The following TXNRD1 variants were observed in gnomAD, a reference collection of about 807,000 sequenced individuals.
TXNRD1 encodes the protein thioredoxin reductase 1, cytoplasmic.
TXNRD1 carries 57 observed loss-of-function variants against 80.3 expected under a neutral mutation model. The observed-to-expected ratio is 0.71, with a 90% CI of 0.57 to 0.89. The LOEUF is 0.89. Among genes scored for constraint, TXNRD1 ranks in the 40% least tolerant of loss-of-function variants. The pLI is 0.00. For missense variants in TXNRD1, 730 were observed against 803.0 expected (o/e 0.91, Z 1.10); for synonymous variants, 291 against 285.2 (o/e 1.02, Z -0.20).
intron 13 of TXNRD1, among the ~76,000 whole-genome samples, chr12:104,328,742 G>A (rs555488099): frequency 7.9e-6 from 1 of 126,842 alleles, no homozygotes; most frequent in Non-Finnish European, 1.6e-5. Context: ...CTGGGTGACA[G>A]AGTGAGACTC....
At chr12:104,269,631 G>A (rs1297042672) in intron 3 of TXNRD1, among the ~76,000 whole-genome samples, 6 of 151,626 alleles carry the variant, frequency 4.0e-5, no homozygotes, top group African/African-American at 1.2e-4. Flanking sequence ...GCAGTGGCGC[G>A]ATCTCGGCTC....
At chr12:104,296,598 AG>A (rs1357754682) in intron 4 of TXNRD1, among the ~76,000 whole-genome samples, 3 of 152,182 alleles carry the variant, frequency 2.0e-5, no homozygotes, top group African/African-American at 7.2e-5. Flanking sequence ...TTGTAAGATA[AG>A]GTCTTTACAA....
rs577136747 is a variant in TXNRD1, at chr12:104,349,032, A to C, written c.*611A>C. 1 of 152,364 alleles carries C rather than the reference A, an allele frequency of 6.6e-6. No individual in the cohort carries two copies. The highest frequency in any genetic ancestry group is 2.1e-4 in the South Asian group (1 of 4,838). The allele number at this position is 152,364 out of a possible 1,614,324, so 9.4% of individuals were successfully genotyped here. On this transcript the variant is annotated 3_prime_UTR_variant, in exon 17 of 17. Transcript: ENST00000525566. ...TTCTTCTCTCATATATTCCCAAAAC[A>C]AGTACATCTGCGATCAACTCTAGCC...
rs1565847606 is a variant in TXNRD1, at chr12:104,215,859, G to GA, written c.60dup (p.Gly21ArgfsTer9). On this transcript the variant is annotated frameshift_variant, in exon 1 of 17. Transcript: ENST00000525566. LOFTEE classifies it high-confidence loss of function. Reference sequence around the variant, plus strand: ...CGGCCGCCCCAACGGAGCTGCAGACGAAAGGCAAGAACGGCGATGGCCGCC... The same window carrying GA: ...CGGCCGCCCCAACGGAGCTGCAGACGAAAAGGCAAGAACGGCGATGGCCGCC... The GA allele has an allele frequency of 1.9e-6, 3 of 1,559,790 alleles. No homozygotes were observed. The highest frequency in any genetic ancestry group is 3.9e-5 in the Admixed American group (2 of 51,712).
chr12:104,226,710 C>T (rs2032481703), intron 1 of TXNRD1, among the ~76,000 whole-genome samples: 1 of 152,172 alleles, frequency 6.6e-6, no homozygotes, highest in Non-Finnish European at 1.5e-5. Context: ...AATATTAAGT[C>T]CTCTCAAGCT....
At chr12:104,306,111 C>T (rs1408002294) in intron 4 of TXNRD1, among the ~76,000 whole-genome samples, 1 of 152,102 alleles carries the variant, frequency 6.6e-6, no homozygotes, top group Non-Finnish European at 1.5e-5. Context: ...GCCATGGTAG[C>T]CAGGCTGGTC....
chr12:104,250,743 A>G (rs1241392301), intron 1 of TXNRD1, among the ~76,000 whole-genome samples: 3 of 152,266 alleles, frequency 2.0e-5, no homozygotes, highest in African/African-American at 7.2e-5. Context: ...TACTTGGATC[A>G]GCAGAAATGA....
chr12:104,217,694 A>G (rs2135670542), intron 1 of TXNRD1, among the ~76,000 whole-genome samples: 1 of 152,246 alleles, frequency 6.6e-6, no homozygotes, highest in South Asian at 2.1e-4. Flanking sequence ...GAACTTTTTC[A>G]TCTTGCAAAT....
At chr12:104,238,731 G>A (rs1383324453) in intron 1 of TXNRD1, among the ~76,000 whole-genome samples, 2 of 152,148 alleles carry the variant, frequency 1.3e-5, no homozygotes, top group African/African-American at 4.8e-5. Flanking sequence ...TTTATCCTGG[G>A]ATAAATTTCA....
intron 10 of TXNRD1, among the ~76,000 whole-genome samples, chr12:104,321,828 T>G (rs1344542564): frequency 6.6e-6 from 1 of 152,202 alleles, no homozygotes; most frequent in Non-Finnish European, 1.5e-5. Flanking sequence ...TGAAAGGAGC[T>G]AATACTATGC....
At chr12:104,308,672 A>T (rs2035020188) in intron 4 of TXNRD1, among the ~76,000 whole-genome samples, 1 of 152,122 alleles carries the variant, frequency 6.6e-6, no homozygotes, top group Non-Finnish European at 1.5e-5. Context: ...GAACCTCTGT[A>T]GCAGCCACCA....
intron 4 of TXNRD1, among the ~76,000 whole-genome samples, chr12:104,299,684 T>C (rs1266965362): frequency 1.3e-5 from 2 of 151,530 alleles, no homozygotes; most frequent in Non-Finnish European, 2.9e-5. Flanking sequence ...GGAGAATCAC[T>C]TGAGTCCGGG....
chr12:104,246,211 A>C (rs2032989960), intron 1 of TXNRD1, among the ~76,000 whole-genome samples: 1 of 148,498 alleles, frequency 6.7e-6, no homozygotes, highest in African/African-American at 2.5e-5. Context: ...GTGGATCATG[A>C]GGTCAGGAGA....
At chr12:104,267,874 A>T (rs1593729960) in intron 3 of TXNRD1, among the ~76,000 whole-genome samples, 1 of 116,292 alleles carries the variant, frequency 8.6e-6, no homozygotes, top group Non-Finnish European at 1.7e-5. Context: ...TTTGAGACTG[A>T]GTTTTGCTCT....
At chr12:104,297,667 A>AT (rs1247956656) in intron 4 of TXNRD1, among the ~76,000 whole-genome samples, 2 of 152,140 alleles carry the variant, frequency 1.3e-5, no homozygotes, top group Non-Finnish European at 2.9e-5. Flanking sequence ...GCCCGGCCTG[A>AT]TTTTGTTTTT....
intron 15 of TXNRD1, among the ~76,000 whole-genome samples, chr12:104,337,573 T>A (rs1301073995): frequency 6.6e-6 from 1 of 151,872 alleles, no homozygotes; most frequent in Admixed American, 6.6e-5. Context: ...GTTTTCAGAC[T>A]TTGCTGGGCA....
intron 4 of TXNRD1, 34 bp downstream of exon 4, chr12:104,289,074 G>A: frequency 1.3e-6 from 2 of 1,598,358 alleles, no homozygotes; most frequent in African/African-American, 1.3e-5. Flanking sequence ...TTAAACGGGG[G>A]ATGAGCTCGT....
At chr12:104,229,323 C>T (rs7305872) in intron 1 of TXNRD1, among the ~76,000 whole-genome samples, 135,527 of 151,514 alleles carry the variant, frequency 0.89, 60,915 homozygotes, top group African/African-American at 0.98. Flanking sequence ...AATTTTTGTA[C>T]GTTTTGTAGA....
chr12:104,231,527 A>G (rs58729796), intron 1 of TXNRD1, among the ~76,000 whole-genome samples: 10,413 of 152,312 alleles, frequency 0.068, 463 homozygotes, highest in African/African-American at 0.12. Context: ...ACTGGAATGC[A>G]TTAAAGAGGG....
Sources: gnomAD v4.1 joint callset for allele counts (sites outside exome capture counted in the v4.1 genomes callset) on GRCh38, gnomAD v4.1.1 for gene constraint, MANE v1.5 for transcripts, NCBI Gene and HGNC (gene_info 2026-07-23, HGNC 2026-07-21) for gene names.